BCL2: variants seen among roughly 807,000 people sequenced by gnomAD.
BCL2 encodes apoptosis regulator Bcl-2.
BCL2 carries 1 observed loss-of-function variant against 14.2 expected under a neutral mutation model. The ratio of observed to expected loss-of-function variants is 0.07; its 90% CI spans 0.02 to 0.33. The LOEUF (loss-of-function observed/expected upper bound fraction) is 0.33. Among genes scored for constraint, BCL2 ranks in the 10% least tolerant of loss-of-function variants. The probability of loss-of-function intolerance (pLI) is 0.99; values close to 1 mark genes in which losing one functional copy is unlikely to be tolerated. For missense variants in BCL2, 247 were observed against 305.9 expected (o/e 0.81, Z 1.44); for synonymous variants, 151 against 137.2 (o/e 1.10, Z -0.70).
chr18:63,127,152 T>C lies in BCL2; in HGVS notation c.*1473A>G, dbSNP rs1002800485. On this transcript the variant is annotated 3_prime_UTR_variant, in exon 3 of 3. Coordinates refer to ENST00000333681, the MANE Select transcript of BCL2 (RefSeq NM_000633.3). ...CAGTGACAAGATAATGTTTTACATG[T>C]AATTCCATAGACAGGGGTCAATTAA... is the stretch of plus-strand genomic sequence containing the variant. 1.3e-5 allele frequency: 3 copies of C among 229,230 alleles called. No homozygotes were observed. Among genetic ancestry groups the C allele is most frequent in the African/African-American group, 6.7e-5 (3 of 45,090 alleles). 14.2% of individuals were successfully genotyped at this position (229,230 alleles called of 1,614,324 possible).
chr18:63,278,273 C>G (rs114805588), intron 2 of BCL2, among the ~76,000 whole-genome samples: 1 of 152,156 alleles, frequency 6.6e-6, no homozygotes, highest in African/African-American at 2.4e-5. Flanking sequence ...CAAATACAGT[C>G]CAGATACACT....
rs2144320829 is a variant in BCL2 at position 63,318,054 on chromosome 18, C to A, written c.585+28G>T. On this transcript the variant is annotated intron_variant, in intron 2 of 2. Transcript: ENST00000333681. The surrounding 1 kb of genome is among the most constrained non-coding windows in gnomAD (Gnocchi z 7.4). ...CGCATCTCGGACCTGTGGCCTCAGCCCAGACTCACATCACCAAGTGCACCT... is the reference window on the plus strand; with the variant it reads ...CGCATCTCGGACCTGTGGCCTCAGCACAGACTCACATCACCAAGTGCACCT... 1 of 1,611,708 alleles carries A rather than the reference C, an allele frequency of 6.2e-7. No homozygotes were observed.
chr18:63,238,040 G>C (rs549052846), intron 2 of BCL2, among the ~76,000 whole-genome samples: 1 of 152,002 alleles, frequency 6.6e-6, no homozygotes, highest in East Asian at 1.9e-4. Flanking sequence ...GTGAGGCCCA[G>C]TAGAGGATGC....
At chr18:63,181,509 T>G (rs1367575445) in intron 2 of BCL2, among the ~76,000 whole-genome samples, 1 of 152,206 alleles carries the variant, frequency 6.6e-6, no homozygotes, top group Non-Finnish European at 1.5e-5. Flanking sequence ...GACCCGTCAG[T>G]GAGCCCGGAC....
At chr18:63,302,893 T>C in intron 2 of BCL2, 1 of 985,042 alleles carries the variant, frequency 1.0e-6, no homozygotes, top group Non-Finnish European at 1.2e-6. Context: ...CTGGGCCAAA[T>C]GTATCCAAAT....
At chr18:63,179,530 G>A (rs1915433775) in intron 2 of BCL2, among the ~76,000 whole-genome samples, 1 of 151,302 alleles carries the variant, frequency 6.6e-6, no homozygotes, top group Admixed American at 6.6e-5. Context: ...GGTGAGGAAA[G>A]GTAACGATAC....
chr18:63,143,944 C>T (rs1211979754), intron 2 of BCL2, among the ~76,000 whole-genome samples: 1 of 152,136 alleles, frequency 6.6e-6, no homozygotes, highest in Non-Finnish European at 1.5e-5. Context: ...ACATCATGCT[C>T]ATCACCCAAA....
intron 2 of BCL2, among the ~76,000 whole-genome samples, chr18:63,210,734 T>C (rs1253342932): frequency 2.0e-5 from 3 of 152,220 alleles, no homozygotes; most frequent in Non-Finnish European, 2.9e-5. Context: ...GTTCTTTTTT[T>C]TCCACTGCCA....
At chr18:63,144,041 G>A (rs1262667723) in intron 2 of BCL2, among the ~76,000 whole-genome samples, 1 of 152,358 alleles carries the variant, frequency 6.6e-6, no homozygotes, top group South Asian at 2.1e-4. Context: ...GTTTGGGCTG[G>A]TGAAGGCTTC....
intron 2 of BCL2, among the ~76,000 whole-genome samples, chr18:63,256,769 C>T (rs762593926): frequency 2.2e-4 from 34 of 152,122 alleles, no homozygotes; most frequent in Non-Finnish European, 3.4e-4. Flanking sequence ...AAAGCCTGCC[C>T]CCTTCTCCTG....
chr18:63,222,418 A>G (rs1252507185), intron 2 of BCL2, among the ~76,000 whole-genome samples: 1 of 7,612 alleles, frequency 1.3e-4, no homozygotes, highest in South Asian at 2.1e-3. Flanking sequence ...GATAAAGGGA[A>G]AAAAAAAACT....
chr18:63,153,698 A>C (rs1221726176), intron 2 of BCL2, among the ~76,000 whole-genome samples: 3 of 152,198 alleles, frequency 2.0e-5, no homozygotes, highest in African/African-American at 7.2e-5. Flanking sequence ...CCTGAGACTC[A>C]TCAAGGCAGG....
chr18:63,217,834 G>A (rs538273071), intron 2 of BCL2, among the ~76,000 whole-genome samples: 5 of 152,258 alleles, frequency 3.3e-5, no homozygotes, highest in East Asian at 1.9e-4. Context: ...TGTTTACTAC[G>A]TTCTAGGTTT....
chr18:63,233,881 T>G (rs1459701908), intron 2 of BCL2, among the ~76,000 whole-genome samples: 1 of 152,180 alleles, frequency 6.6e-6, no homozygotes, highest in Non-Finnish European at 1.5e-5. Context: ...CAACATTTTC[T>G]GTTAAAAAAT....
intron 2 of BCL2, chr18:63,302,519 TA>T (rs1912993847): frequency 2.0e-6 from 2 of 985,420 alleles, no homozygotes; most frequent in African/African-American, 3.5e-5. Flanking sequence ...TAAAAAGTCA[TA>T]ACATGTTGTG....
chr18:63,229,178 T>C (rs1910624261), intron 2 of BCL2, among the ~76,000 whole-genome samples: 1 of 152,166 alleles, frequency 6.6e-6, no homozygotes. Flanking sequence ...ATTTTATTTA[T>C]TTATTTATTT....
rs767239658 is a variant in BCL2 at position 63,258,021 on chromosome 18, T to G, written c.585+60061A>C. Among the ~76,000 whole-genome samples, 9 of 152,184 alleles carry G rather than the reference T, an allele frequency of 5.9e-5. No individual in the cohort carries two copies. In the South Asian group the frequency reaches 8.3e-4, roughly 14 times the overall value. On this transcript the variant is annotated intron_variant, in intron 2 of 2. Transcript: ENST00000333681. ...GGAAACACGGTCTTTGTAAATGTAATCAAGTTAAGAGGAGGTCGTTAGGGT... is the reference window on the plus strand; with the variant it reads ...GGAAACACGGTCTTTGTAAATGTAAGCAAGTTAAGAGGAGGTCGTTAGGGT...
intron 2 of BCL2, among the ~76,000 whole-genome samples, chr18:63,238,258 G>GATCAT (rs1910895754): frequency 6.6e-6 from 1 of 152,188 alleles, no homozygotes; most frequent in Non-Finnish European, 1.5e-5. Context: ...TCTTGCTAAG[G>GATCAT]CCTGTGAACG....
chr18:63,225,899 C>T (rs1009676720), intron 2 of BCL2, among the ~76,000 whole-genome samples: 10 of 152,204 alleles, frequency 6.6e-5, no homozygotes, highest in African/African-American at 2.4e-4. Flanking sequence ...GCCTTAAGTG[C>T]TAACAGCTCA....
Sources: gnomAD v4.1 joint callset for allele counts (sites outside exome capture counted in the v4.1 genomes callset) on GRCh38, gnomAD v4.1.1 for gene constraint, Gnocchi (gnomAD v3.1) non-coding constraint, MANE v1.5 for transcripts, NCBI Gene and HGNC (gene_info 2026-07-23, HGNC 2026-07-21) for gene names.